PPP1R12B: variants seen among roughly 807,000 people sequenced by gnomAD.
The protein encoded by PPP1R12B is protein phosphatase 1 regulatory subunit 12B, also known as myosin phosphatase target subunit 2.
In PPP1R12B, 76 loss-of-function variants were observed where a neutral mutation model predicts 126.1. The observed-to-expected ratio is 0.60, with a 90% confidence interval of 0.50 to 0.73. The LOEUF is 0.73. PPP1R12B is among the 30% of genes least tolerant of loss of function. PPP1R12B has a pLI of 0.00. For missense variants in PPP1R12B, 1,052 were observed against 1,205.1 expected, an observed-to-expected ratio of 0.87 and a Z score of 1.88; for synonymous variants, 356 against 434.7, an observed-to-expected ratio of 0.82 and a Z score of 2.25.
At position 202,581,720 on chromosome 1, in the gene PPP1R12B, CAAAG is replaced by C. The variant is rs1158442787; in HGVS notation, c.*1163_*1166del. The C allele has an allele frequency of 1.3e-5, 2 of 152,078 alleles. No homozygotes were observed. Among genetic ancestry groups the C allele is most frequent in the African/African-American group, 4.8e-5 (2 of 41,398 alleles). The allele number at this position is 152,078 out of a possible 1,614,324, so 9.4% of individuals were successfully genotyped here. The stretch of plus-strand genomic sequence containing the variant: ...TCTGAGGCCACTTGCAACATTGTGA[CAAAG>C]AAGATGGAAGATAGCAGCCTACTGG... On this transcript the variant is annotated 3_prime_UTR_variant, in exon 24 of 24. Transcript: ENST00000608999.
At chr1:202,540,502 G>A (rs940295285) in intron 18 of PPP1R12B, among the ~76,000 whole-genome samples, 15 of 152,102 alleles carry the variant, frequency 9.9e-5, no homozygotes, top group East Asian at 5.8e-4. Flanking sequence ...TTTAACTATC[G>A]GTTGTAAACT....
intron 7 of PPP1R12B, among the ~76,000 whole-genome samples, chr1:202,431,245 A>C (rs1447833821): frequency 6.6e-6 from 1 of 152,216 alleles, no homozygotes; most frequent in African/African-American, 2.4e-5. Flanking sequence ...ATCAAAATTC[A>C]TAGTTCTTCT....
intron 1 of PPP1R12B, among the ~76,000 whole-genome samples, chr1:202,390,679 T>C (rs1281079443): frequency 2.1e-5 from 3 of 140,110 alleles, no homozygotes; most frequent in East Asian, 2.3e-4. Flanking sequence ...TTTTTTTTTT[T>C]CATATGGGTT....
chr1:202,440,948 C>G (rs1328077651), intron 11 of PPP1R12B, among the ~76,000 whole-genome samples, 160 bp downstream of exon 11: 3 of 152,144 alleles, frequency 2.0e-5, no homozygotes, highest in African/African-American at 7.2e-5. Context: ...ACTCTTATAT[C>G]CTTGCTTTGC....
chr1:202,526,909 C>A (rs1683406459), intron 18 of PPP1R12B, among the ~76,000 whole-genome samples: 1 of 152,100 alleles, frequency 6.6e-6, no homozygotes, highest in African/African-American at 2.4e-5. Flanking sequence ...AATGAAATTA[C>A]TTCACATTAG....
At chr1:202,540,306 A>G in intron 18 of PPP1R12B, 2 of 1,331,318 alleles carry the variant, frequency 1.5e-6, no homozygotes, top group Non-Finnish European at 1.0e-6. Flanking sequence ...GTGTATATAT[A>G]TAACTTGGGG....
intron 11 of PPP1R12B, 50 bp downstream of exon 11, chr1:202,440,838 G>A (rs1157142829): frequency 3.4e-6 from 5 of 1,457,748 alleles, no homozygotes; most frequent in Non-Finnish European, 1.9e-6. Context: ...TAGGTCTACT[G>A]GACATAGTCA....
chr1:202,412,760 CT>C (rs1558193230), intron 1 of PPP1R12B, among the ~76,000 whole-genome samples: 1 of 151,966 alleles, frequency 6.6e-6, no homozygotes, highest in Non-Finnish European at 1.5e-5. Context: ...ACTTCAGTAC[CT>C]TTTTGAAAGT....
rs1689815364 is a variant in PPP1R12B at position 202,586,407 on chromosome 1, TCA to T, written c.*5852_*5853del. On this transcript the variant is annotated 3_prime_UTR_variant, in exon 24 of 24. Coordinates refer to ENST00000608999, the MANE Select transcript of PPP1R12B (RefSeq NM_002481.4). ...AGAGTTTCACAGAAACAAAGCTTTGTCACACAGAAATGAGTTCTGTCTCACTG... is the reference window on the plus strand; with the variant it reads ...AGAGTTTCACAGAAACAAAGCTTTGTCACAGAAATGAGTTCTGTCTCACTG... 6.6e-6 allele frequency: 1 copy of T among 152,292 alleles called. No individual in the cohort carries two copies. The highest frequency in any genetic ancestry group is 6.5e-5 in the Admixed American group (1 of 15,288). 9.4% of individuals were successfully genotyped at this position (152,292 alleles called of 1,614,324 possible). A position where few individuals can be genotyped will look rare whatever the true frequency, so the allele number is the denominator to read the frequency against.
Position 202,424,845 on chromosome 1 carries a change from T to A in PPP1R12B, c.542-721T>A, listed in dbSNP as rs193046643. The stretch of plus-strand genomic sequence containing the variant: ...CATAATGTTTTTAAGGAAAACAAAA[T>A]CTGCATTCCCTTGAAAGCAGACAGG... On this transcript the variant is annotated intron_variant, in intron 3 of 23. Coordinates refer to ENST00000608999, the MANE Select transcript of PPP1R12B (RefSeq NM_002481.4). Among the ~76,000 whole-genome samples, 464 of 152,330 alleles carry A rather than the reference T, an allele frequency of 3.0e-3. 1 individual carries two copies. The highest frequency in any genetic ancestry group is 5.0e-3 in the Non-Finnish European group (339 of 68,034).
At chr1:202,530,859 G>T (rs1396071377) in intron 18 of PPP1R12B, among the ~76,000 whole-genome samples, 8 of 152,306 alleles carry the variant, frequency 5.3e-5, no homozygotes, top group Middle Eastern at 3.4e-3. Context: ...AAGAACATGT[G>T]TCAAAGGCCC....
At chr1:202,393,395 T>C (rs955004551) in intron 1 of PPP1R12B, among the ~76,000 whole-genome samples, 2 of 152,194 alleles carry the variant, frequency 1.3e-5, no homozygotes, top group Non-Finnish European at 2.9e-5. Flanking sequence ...AAACAGTGTT[T>C]TTTTTTTTCA....
chr1:202,547,821 C>T (rs1187744283), intron 18 of PPP1R12B, among the ~76,000 whole-genome samples: 2 of 152,184 alleles, frequency 1.3e-5, no homozygotes, highest in Non-Finnish European at 2.9e-5. Flanking sequence ...AAACCCTTTA[C>T]TTGAGTGCTG....
chr1:202,533,449 C>T (rs185399062), intron 18 of PPP1R12B, among the ~76,000 whole-genome samples: 38 of 152,242 alleles, frequency 2.5e-4, no homozygotes, highest in Middle Eastern at 3.4e-3. Context: ...ACCACCATGC[C>T]TTGCTAATTT....
At chr1:202,573,599 C>T (rs1417784892) in intron 23 of PPP1R12B, among the ~76,000 whole-genome samples, 1 of 152,146 alleles carries the variant, frequency 6.6e-6, no homozygotes, top group Admixed American at 6.5e-5. Context: ...TCATTATTCT[C>T]CTCCCAAAGA....
chr1:202,398,043 C>G (rs1665255209), intron 1 of PPP1R12B, among the ~76,000 whole-genome samples: 1 of 152,202 alleles, frequency 6.6e-6, no homozygotes, highest in South Asian at 2.1e-4. Flanking sequence ...TCCCGAGTAG[C>G]TGGACTACAG....
At chr1:202,527,696 C>A (rs1683492373) in intron 18 of PPP1R12B, among the ~76,000 whole-genome samples, 1 of 152,150 alleles carries the variant, frequency 6.6e-6, no homozygotes, top group Non-Finnish European at 1.5e-5. Flanking sequence ...ACCTCCCCAA[C>A]CTCCTGCCCA....
chr1:202,458,608 T>G (rs1372383095), intron 13 of PPP1R12B, among the ~76,000 whole-genome samples: 1 of 152,182 alleles, frequency 6.6e-6, no homozygotes, highest in Non-Finnish European at 1.5e-5. Context: ...ATAAAACATA[T>G]CATTTAAGCC....
At chr1:202,471,152 A>G (rs1675818269) in intron 13 of PPP1R12B, among the ~76,000 whole-genome samples, 1 of 152,182 alleles carries the variant, frequency 6.6e-6, no homozygotes, top group South Asian at 2.1e-4. Context: ...TCATTTGCAT[A>G]CTTATATAAT....
Sources: gnomAD v4.1 joint callset for allele counts (sites outside exome capture counted in the v4.1 genomes callset) on GRCh38, gnomAD v4.1.1 for gene constraint, MANE v1.5 for transcripts, NCBI Gene and HGNC (gene_info 2026-07-23, HGNC 2026-07-21) for gene names.